The following KHDRBS2 variants were observed in gnomAD, a reference collection of about 807,000 sequenced individuals.
The protein encoded by KHDRBS2 is KH RNA binding domain containing, signal transduction associated 2.
In KHDRBS2, 26 loss-of-function variants were observed where a neutral mutation model predicts 44.3. The observed-to-expected ratio is 0.59, with a 90% CI of 0.43 to 0.81. The LOEUF (loss-of-function observed/expected upper bound fraction) is 0.81, where lower values mean the gene tolerates loss of function less well. KHDRBS2 is among the 40% of genes least tolerant of loss of function. The pLI, the probability that KHDRBS2 is intolerant of heterozygous loss-of-function variation, is 0.00. For synonymous variants in KHDRBS2, 194 were observed against 151.1 expected (o/e 1.28, Z -2.08); for missense variants, 476 against 433.1 (o/e 1.10, Z -0.88).
At chr6:61,565,639 C>T in the KHDRBS2 span, among the ~76,000 whole-genome samples, 74 of 151,896 alleles carry the variant, frequency 4.9e-4, no homozygotes, top group African/African-American at 1.6e-3. Flanking sequence ...AGTTAAGATG[C>T]CCTTTATCAA....
chr6:62,226,401 T>C (rs1479498531), intron 1 of KHDRBS2, among the ~76,000 whole-genome samples: 1 of 152,182 alleles, frequency 6.6e-6, no homozygotes, highest in African/African-American at 2.4e-5. Flanking sequence ...TTCTTGTAAA[T>C]TTGTTTAAGG....
chr6:62,188,785 A>G (rs765202278), intron 1 of KHDRBS2, among the ~76,000 whole-genome samples: 50 of 152,154 alleles, frequency 3.3e-4, no homozygotes, highest in Non-Finnish European at 5.9e-4. Flanking sequence ...GTCATTAGAA[A>G]CACTGTGGTT....
At chr6:61,653,030 T>A in the KHDRBS2 span, among the ~76,000 whole-genome samples, 1 of 152,038 alleles carries the variant, frequency 6.6e-6, no homozygotes, top group African/African-American at 2.4e-5. Context: ...ATAAATGGAA[T>A]AAACAGAGCA....
At chr6:62,265,813 C>A (rs1385994983) in intron 1 of KHDRBS2, among the ~76,000 whole-genome samples, 1 of 152,004 alleles carries the variant, frequency 6.6e-6, no homozygotes, top group Admixed American at 6.6e-5. Flanking sequence ...GATTGTCACT[C>A]CCAAACTACC....
intron 3 of KHDRBS2, among the ~76,000 whole-genome samples, chr6:62,040,440 T>C (rs892318891): frequency 6.6e-6 from 1 of 152,096 alleles, no homozygotes; most frequent in African/African-American, 2.4e-5. Flanking sequence ...TATTATCATA[T>C]ACATGGTTTC....
intron 6 of KHDRBS2, among the ~76,000 whole-genome samples, chr6:61,757,071 C>T (rs1460849579): frequency 6.6e-6 from 1 of 152,130 alleles, no homozygotes; most frequent in Non-Finnish European, 1.5e-5. Flanking sequence ...TGCTCAGTAG[C>T]AGTTTATGGT....
At chr6:62,061,713 G>A (rs1218366052) in intron 2 of KHDRBS2, among the ~76,000 whole-genome samples, 6 of 150,542 alleles carry the variant, frequency 4.0e-5, no homozygotes, top group Non-Finnish European at 7.4e-5. Context: ...GAATCTGAAC[G>A]TTGGCCTGCC....
the KHDRBS2 span, among the ~76,000 whole-genome samples, chr6:61,614,047 T>A: frequency 6.6e-6 from 1 of 152,344 alleles, no homozygotes; most frequent in East Asian, 1.9e-4. Flanking sequence ...CTTGACACTT[T>A]AAAGCACATT....
chr6:61,604,759 G>A, the KHDRBS2 span, among the ~76,000 whole-genome samples: 1 of 152,162 alleles, frequency 6.6e-6, no homozygotes, highest in Non-Finnish European at 1.5e-5. Context: ...CCTGAGTCAG[G>A]AAACTAAAAT....
intron 6 of KHDRBS2, among the ~76,000 whole-genome samples, chr6:61,876,379 C>T (rs1205802517): frequency 6.6e-6 from 1 of 151,934 alleles, no homozygotes; most frequent in Non-Finnish European, 1.5e-5. Context: ...CTGACAGTAG[C>T]TTACAATACT....
rs545671123 is a variant in KHDRBS2 at position 62,006,196 on chromosome 6, G to T, written c.337-27984C>A. Among the ~76,000 whole-genome samples, 11 of 152,004 alleles carry T rather than the reference G, an allele frequency of 7.2e-5. No homozygotes were observed. In the East Asian group the frequency reaches 2.1e-3, roughly 29 times the overall value. On this transcript the variant is annotated intron_variant, in intron 3 of 8. Coordinates refer to ENST00000281156, the MANE Select transcript of KHDRBS2 (RefSeq NM_152688.4). ...AAACAGCAAAGAAAACCTCTAAAAA[G>T]GATGGACTATGCATGAACTACAGAG...
At chr6:61,556,972 T>C in the KHDRBS2 span, among the ~76,000 whole-genome samples, 1 of 151,508 alleles carries the variant, frequency 6.6e-6, no homozygotes, top group Admixed American at 6.6e-5. Context: ...AACAGCTTTA[T>C]TTATGCTGAG....
intron 8 of KHDRBS2, among the ~76,000 whole-genome samples, chr6:61,690,957 T>C (rs1767337680): frequency 6.6e-6 from 1 of 152,062 alleles, no homozygotes; most frequent in African/African-American, 2.4e-5. Flanking sequence ...CATGTGGCTA[T>C]CTAAAACTTA....
intron 6 of KHDRBS2, among the ~76,000 whole-genome samples, chr6:61,747,122 A>T (rs1776985784): frequency 6.6e-6 from 1 of 152,070 alleles, no homozygotes; most frequent in Admixed American, 6.5e-5. Flanking sequence ...GCCAACAAAC[A>T]TATGAAAAAA....
intron 6 of KHDRBS2, among the ~76,000 whole-genome samples, chr6:61,884,037 T>C (rs1308961354): frequency 6.6e-6 from 1 of 152,076 alleles, no homozygotes; most frequent in Non-Finnish European, 1.5e-5. Flanking sequence ...GGCACAAGAA[T>C]TGATTTCAAT....
intron 4 of KHDRBS2, among the ~76,000 whole-genome samples, chr6:61,939,629 C>T (rs1030606617): frequency 2.0e-5 from 3 of 152,058 alleles, no homozygotes; most frequent in East Asian, 1.9e-4. Context: ...TGGGTATGAC[C>T]GTAAATTATC....
the KHDRBS2 span, among the ~76,000 whole-genome samples, chr6:61,569,701 G>T: frequency 3.9e-5 from 6 of 152,180 alleles, no homozygotes; most frequent in Admixed American, 2.6e-4. Flanking sequence ...CACCAGAGCA[G>T]GTGCTGGTAT....
At chr6:61,882,104 C>A (rs965884105) in intron 6 of KHDRBS2, among the ~76,000 whole-genome samples, 1 of 151,982 alleles carries the variant, frequency 6.6e-6, no homozygotes, top group Non-Finnish European at 1.5e-5. Flanking sequence ...GATACACAAT[C>A]TCTGTGATTC....
rs561638641 is a variant in KHDRBS2 at position 62,156,476 on chromosome 6, C to T, written c.219+20709G>A. 1.1e-4 allele frequency among the ~76,000 whole-genome samples: 16 copies of T among 151,986 alleles called. No individual in the cohort carries two copies. In the South Asian group the frequency reaches 2.9e-3, roughly 28 times the overall value. ...ATATGTTGGTAATTAAGTCAACCAC[C>T]ATATTAGTATAAAACTATAAAATAA... On this transcript the variant is annotated intron_variant, in intron 2 of 8. Transcript: ENST00000281156.
Sources: allele counts gnomAD v4.1 joint callset (sites outside exome capture counted in the v4.1 genomes callset), GRCh38; gene constraint gnomAD v4.1.1; transcripts MANE v1.5; gene names NCBI Gene and HGNC (gene_info 2026-07-23, HGNC 2026-07-21).